Variants in SHANK2 observed in about 807,000 individuals in gnomAD.
SHANK2 encodes the protein SH3 and multiple ankyrin repeat domains protein 2.
In SHANK2, 43 loss-of-function variants were observed where a neutral mutation model predicts 133.7. That is an observed-to-expected ratio of 0.32 (90% CI 0.25 to 0.41). SHANK2 has a LOEUF of 0.41. SHANK2 is among the 10% of genes least tolerant of loss of function. The pLI, the probability that SHANK2 is intolerant of heterozygous loss-of-function variation, is 1.00. For missense variants in SHANK2, 1,994 were observed against 2,235.8 expected, an observed-to-expected ratio of 0.89 and a Z score of 2.18; for synonymous variants, 1,017 against 952.8, an observed-to-expected ratio of 1.07 and a Z score of -1.24.
chr11:71,205,423 C>T (rs1346832907), intron 2 of SHANK2, among the ~76,000 whole-genome samples: 1 of 152,146 alleles, frequency 6.6e-6, no homozygotes, highest in Non-Finnish European at 1.5e-5. Flanking sequence ...GGCGCTCCTG[C>T]GAGAACCTCC....
At position 70,487,083 on chromosome 11, in the gene SHANK2, T is replaced by C. The variant is rs144858359; in HGVS notation, c.3210A>G (p.Glu1070=). ...PEPPSQLRPD[E]SLTVSSPFAA... The stretch of plus-strand genomic sequence containing the variant: ...CAAAGGGGCTGCTGACGGTCAGGCT[T>C]TCGTCAGGCCGCAGCTGGCTCGGTG... The change falls in exon 25 of 26, where the codon GAA becomes GAG. Residue 1070 remains glutamate, a synonymous_variant. Coordinates refer to ENST00000601538, the MANE Select transcript of SHANK2 (RefSeq NM_012309.5). The surrounding 1 kb of genome is among the most constrained non-coding windows in gnomAD (Gnocchi z 5.8). 26 of 1,610,146 alleles carry C rather than the reference T, an allele frequency of 1.6e-5. No homozygotes were observed. The highest frequency in any genetic ancestry group is 2.0e-5 in the Non-Finnish European group (24 of 1,179,884).
chr11:71,229,775 AAAAAAAAG>A (rs1217779987), intron 1 of SHANK2, among the ~76,000 whole-genome samples: 2 of 151,628 alleles, frequency 1.3e-5, no homozygotes, highest in Non-Finnish European at 2.9e-5. Context: ...GAAAAAAAAA[AAAAAAAAG>A]AAAAAGAAAA....
rs1336020707 is a variant in SHANK2 at position 70,617,598 on chromosome 11, G to A, written c.2061+42230C>T. ...AGCATAGGAACCCTCAGAACCCCAC[G>A]GGACCTACAAAGCCTAGAGCAAGCT... On this transcript the variant is annotated intron_variant, in intron 17 of 25. Transcript: ENST00000601538. 5.9e-5 allele frequency among the ~76,000 whole-genome samples: 9 copies of A among 152,274 alleles called. No homozygotes were observed. The East Asian group carries it at 1.4e-3, about 23-fold the overall frequency.
At chr11:70,730,369 C>G (rs868908654) in intron 14 of SHANK2, among the ~76,000 whole-genome samples, 2 of 152,156 alleles carry the variant, frequency 1.3e-5, no homozygotes, top group Non-Finnish European at 2.9e-5. Context: ...TCCCCACTCA[C>G]GCCCAATTGT....
intron 8 of SHANK2, among the ~76,000 whole-genome samples, chr11:71,089,685 G>A (rs1318282182): frequency 6.6e-6 from 1 of 152,174 alleles, no homozygotes; most frequent in Non-Finnish European, 1.5e-5. Flanking sequence ...GGTCAGGCGT[G>A]AAGAGGCGAG....
In SHANK2 at chr11:70,536,378, G is replaced by A. The variant is rs145815686; in HGVS notation, c.2062-33447C>T. ...CCGGAGCTGCGTCAGTGTGTGGGCCGGCTCTGTAGGCTGGAGGCCACTCCA... is the reference window on the plus strand; with the variant it reads ...CCGGAGCTGCGTCAGTGTGTGGGCCAGCTCTGTAGGCTGGAGGCCACTCCA... On this transcript the variant is annotated intron_variant, in intron 17 of 25. Transcript: ENST00000601538. Among the ~76,000 whole-genome samples the A allele has an allele frequency of 1.3e-3, 199 of 152,318 alleles. 1 individual carries two copies. Among genetic ancestry groups the A allele is most frequent in the Admixed American group, 0.01 (160 of 15,308 alleles).
intron 17 of SHANK2, among the ~76,000 whole-genome samples, chr11:70,620,530 C>G (rs1426488747): frequency 6.6e-6 from 1 of 151,954 alleles, no homozygotes; most frequent in Non-Finnish European, 1.5e-5. Context: ...TCTCCCCCAC[C>G]CCCACCATGG....
intron 14 of SHANK2, among the ~76,000 whole-genome samples, chr11:70,713,269 A>T (rs1186498298): frequency 1.3e-5 from 2 of 152,214 alleles, no homozygotes; most frequent in African/African-American, 4.8e-5. Context: ...CACTTCAGAG[A>T]GCCGGCTCCG....
intron 15 of SHANK2, among the ~76,000 whole-genome samples, chr11:70,695,718 C>T (rs1945378327): frequency 6.6e-6 from 1 of 152,238 alleles, no homozygotes; most frequent in African/African-American, 2.4e-5. Context: ...GAATGTAACA[C>T]CTGCGTTACC....
chr11:71,133,837 G>A (rs1555104213), intron 3 of SHANK2, among the ~76,000 whole-genome samples: 2 of 151,816 alleles, frequency 1.3e-5, no homozygotes, highest in African/African-American at 4.8e-5. Flanking sequence ...AATCCCAGAA[G>A]AATTTCATTT....
chr11:70,635,354 A>G (rs144242379), intron 17 of SHANK2: 1 of 152,370 alleles, frequency 6.6e-6, no homozygotes, highest in African/African-American at 2.4e-5. Context: ...GTGTTTCCGT[A>G]GAGTTGGGAT....
intron 10 of SHANK2, among the ~76,000 whole-genome samples, chr11:70,952,281 A>G (rs547224663): frequency 1.3e-5 from 2 of 152,296 alleles, no homozygotes; most frequent in East Asian, 3.9e-4. Context: ...TGCAGACCCA[A>G]AATAAACCAC....
chr11:70,549,152 C>T (rs1206959911), intron 17 of SHANK2, among the ~76,000 whole-genome samples: 4 of 152,146 alleles, frequency 2.6e-5, no homozygotes, highest in East Asian at 3.9e-4. Flanking sequence ...CGGGGGCGCT[C>T]GACGTGAAAG....
intron 6 of SHANK2, among the ~76,000 whole-genome samples, chr11:71,104,093 C>A (rs991303472): frequency 2.2e-4 from 34 of 152,054 alleles, no homozygotes; most frequent in Admixed American, 8.5e-4. Context: ...TATAAACTAC[C>A]CAGCCTCAGG....
chr11:70,768,974 G>A (rs1000438477), intron 14 of SHANK2, among the ~76,000 whole-genome samples: 3 of 152,148 alleles, frequency 2.0e-5, no homozygotes, highest in South Asian at 2.1e-4. Flanking sequence ...ACAGGTGGCC[G>A]AAGCTTCCCA....
intron 2 of SHANK2, among the ~76,000 whole-genome samples, chr11:71,181,743 G>A (rs7949755): frequency 0.039 from 5,926 of 152,204 alleles, 201 homozygotes; most frequent in African/African-American, 0.091. Context: ...AGCCGCAGGT[G>A]TGGGGACGTG....
chr11:71,065,682 C>T (rs1487392946), intron 9 of SHANK2, among the ~76,000 whole-genome samples: 2 of 119,036 alleles, frequency 1.7e-5, no homozygotes, highest in Non-Finnish European at 1.7e-5. Context: ...GGGGGGTGTG[C>T]GGAACTCTTC....
At chr11:71,071,472 C>CTCT (rs1951140282) in intron 9 of SHANK2, among the ~76,000 whole-genome samples, 1 of 152,162 alleles carries the variant, frequency 6.6e-6, no homozygotes, top group African/African-American at 2.4e-5. Context: ...TCAGGTGGAC[C>CTCT]CAAGGGGAAG....
At chr11:70,892,447 T>A (rs1949861700) in intron 11 of SHANK2, among the ~76,000 whole-genome samples, 1 of 152,144 alleles carries the variant, frequency 6.6e-6, no homozygotes. Context: ...GTCCAGCCTC[T>A]ATGAAGCCTC....
Sources: allele counts gnomAD v4.1 joint callset (sites outside exome capture counted in the v4.1 genomes callset), GRCh38; gene constraint gnomAD v4.1.1; non-coding constraint Gnocchi (gnomAD v3.1); transcripts MANE v1.5; gene names NCBI Gene and HGNC (gene_info 2026-07-23, HGNC 2026-07-21).